The following PPCDC variants were observed in gnomAD, a reference collection of about 807,000 sequenced individuals.
PPCDC encodes phosphopantothenoylcysteine decarboxylase.
In PPCDC, 20 loss-of-function variants were observed where a neutral mutation model predicts 20.7. The ratio of observed to expected loss-of-function variants is 0.97; its 90% confidence interval spans 0.68 to 1.41. The LOEUF is 1.41. Ranked by LOEUF, PPCDC falls within the 40% of genes most tolerant of loss-of-function variation. The probability of loss-of-function intolerance (pLI) is 0.00; values close to 1 mark genes in which losing one functional copy is unlikely to be tolerated. For missense variants in PPCDC, 246 were observed against 263.8 expected, an observed-to-expected ratio of 0.93 and a Z score of 0.47; for synonymous variants, 88 against 100.3, an observed-to-expected ratio of 0.88 and a Z score of 0.73.
At chr15:75,039,443 G>A (rs2066125797) in intron 2 of PPCDC, among the ~76,000 whole-genome samples, 1 of 152,172 alleles carries the variant, frequency 6.6e-6, no homozygotes, top group Non-Finnish European at 1.5e-5. Context: ...AACTCTGCAA[G>A]GGTAGTATGT....
intron 1 of PPCDC, among the ~76,000 whole-genome samples, chr15:75,024,676 C>CT (rs35831714): frequency 0.02 from 2,764 of 140,010 alleles, 38 homozygotes; most frequent in Middle Eastern, 0.053. Context: ...TTTTTCTTTT[C>CT]TTTTTTTTTT....
intron 2 of PPCDC, among the ~76,000 whole-genome samples, chr15:75,031,528 A>T (rs1422122814): frequency 1.3e-5 from 2 of 152,024 alleles, no homozygotes; most frequent in African/African-American, 2.4e-5. Flanking sequence ...CCAACATGGT[A>T]AAACCCCAGC....
rs1355734872 is a variant in PPCDC at position 75,050,487 on chromosome 15, AGCTGAG to A, written c.*1263_*1268del. The A allele has an allele frequency of 9.8e-5, 15 of 152,294 alleles. No homozygotes were observed. The highest frequency in any genetic ancestry group is 1.9e-4 in the Non-Finnish European group (13 of 68,178). 9.4% of individuals were successfully genotyped at this position (152,294 alleles called of 1,614,324 possible). ...GGGGAGGGCTTGTCTGCGTATTTGGAGCTGAGGCTGAGGCTGGCTTCCTGCCCTCTG... is the reference window on the plus strand; with the variant it reads ...GGGGAGGGCTTGTCTGCGTATTTGGAGCTGAGGCTGGCTTCCTGCCCTCTG... On this transcript the variant is annotated 3_prime_UTR_variant, in exon 6 of 6. Transcript: ENST00000342932.
intron 4 of PPCDC, among the ~76,000 whole-genome samples, chr15:75,045,761 A>C (rs958854710): frequency 1.3e-5 from 2 of 152,082 alleles, no homozygotes; most frequent in Non-Finnish European, 2.9e-5. Flanking sequence ...GGCTTTCCCT[A>C]TAGTCCCAGC....
intron 4 of PPCDC, 128 bp downstream of exon 4, chr15:75,044,642 C>T: frequency 7.9e-7 from 1 of 1,270,756 alleles, no homozygotes; most frequent in Non-Finnish European, 1.1e-6. Context: ...TCGTGCTCCG[C>T]CATTCCCCAC....
intron 4 of PPCDC, among the ~76,000 whole-genome samples, chr15:75,045,932 T>C (rs2066227688): frequency 6.8e-6 from 1 of 147,986 alleles, no homozygotes; most frequent in Admixed American, 6.7e-5. Flanking sequence ...GGGAAAAGGC[T>C]AGGCATGGTG....
chr15:75,032,272 A>C (rs1255507933), intron 2 of PPCDC, among the ~76,000 whole-genome samples: 1 of 152,138 alleles, frequency 6.6e-6, no homozygotes, highest in Admixed American at 6.5e-5. Context: ...AAAACCCCCA[A>C]CTCAAGGAGT....
chr15:75,049,362 C>A lies in PPCDC; in HGVS notation c.*127C>A. ...GAATGGGGGACCTGCTCTGAGCCTG[C>A]CCAGGGGCCAGGCCTGCTCCAGGTT... On this transcript the variant is annotated 3_prime_UTR_variant, in exon 6 of 6. Coordinates refer to ENST00000342932, the MANE Select transcript of PPCDC (RefSeq NM_021823.5). 1 of 884,436 alleles carries A rather than the reference C, an allele frequency of 1.1e-6. No individual in the cohort carries two copies. Among genetic ancestry groups the A allele is most frequent in the Non-Finnish European group, 1.8e-6 (1 of 564,426 alleles). The allele number at this position is 884,436 out of a possible 1,614,324, so 54.8% of individuals were successfully genotyped here.
At chr15:75,045,540 A>T (rs972539518) in intron 4 of PPCDC, among the ~76,000 whole-genome samples, 6 of 152,206 alleles carry the variant, frequency 3.9e-5, no homozygotes, top group African/African-American at 1.4e-4. Context: ...AAGGTGGATG[A>T]TGAAGCTGGG....
intron 2 of PPCDC, among the ~76,000 whole-genome samples, chr15:75,041,038 A>C (rs1381123886): frequency 1.3e-5 from 2 of 149,034 alleles, no homozygotes; most frequent in East Asian, 4.0e-4. Flanking sequence ...GTGTAGATTG[A>C]ATTTCCTTCT....
intron 5 of PPCDC, 123 bp from the exon 6 acceptor site, chr15:75,049,027 C>T: frequency 2.1e-6 from 2 of 971,544 alleles, no homozygotes; most frequent in Non-Finnish European, 3.2e-6. Flanking sequence ...CTGGCTCAGG[C>T]AAAGACAGAC....
chr15:75,032,505 G>A (rs764844867), intron 2 of PPCDC, among the ~76,000 whole-genome samples: 18 of 152,204 alleles, frequency 1.2e-4, no homozygotes, highest in South Asian at 2.1e-4. Context: ...CAAAGTGAAA[G>A]GATGTCCATT....
intron 2 of PPCDC, among the ~76,000 whole-genome samples, chr15:75,035,278 G>A (rs2141483545): frequency 6.6e-6 from 1 of 152,324 alleles, no homozygotes; most frequent in East Asian, 1.9e-4. Context: ...AGGGATGGTG[G>A]TGCTACTGGC....
In PPCDC at chr15:75,044,431, A is replaced by G; in HGVS notation, c.277A>G (p.Arg93Gly). The G allele has an allele frequency of 6.2e-7, 1 of 1,614,056 alleles. No individual in the cohort carries two copies. The highest frequency in any genetic ancestry group is 8.5e-7 in the Non-Finnish European group (1 of 1,179,978). The change falls in exon 4 of 6, where the codon AGG becomes GGG. Residue 93 changes from arginine (R) to glycine (G), a missense_variant. By Grantham distance (125) the Arg-to-Gly change is moderately radical. This residue lies in a region of PPCDC where 225 missense variants were observed against 222.6 expected (regional missense o/e 1.01). Transcript: ENST00000342932. ...CCCAGTTCTGCACATTGACCTGCGG[A>G]GGTGGGCAGACCTCCTGCTGGTGGC... is the stretch of plus-strand genomic sequence containing the variant. ...SDPVLHIDLR[R>G]WADLLLVAPL...
chr15:75,030,805 G>A (rs1477848294), intron 2 of PPCDC, among the ~76,000 whole-genome samples: 1 of 152,190 alleles, frequency 6.6e-6, no homozygotes, highest in Non-Finnish European at 1.5e-5. Flanking sequence ...GCTGCAGGGA[G>A]CTGGGGGATT....
intron 3 of PPCDC, chr15:75,043,821 T>G (rs1163601779): frequency 2.5e-6 from 1 of 400,884 alleles, no homozygotes; most frequent in Non-Finnish European, 4.6e-6. Context: ...GGAGCTCTGT[T>G]CCCACCACCC....
chr15:75,043,315 G>A, intron 2 of PPCDC, 126 bp from the exon 3 acceptor site: 1 of 724,880 alleles, frequency 1.4e-6, no homozygotes, highest in Non-Finnish European at 2.3e-6. Flanking sequence ...AAGGAGGGAA[G>A]TCCTCTCTCA....
In PPCDC at chr15:75,044,560, C is replaced by T. The variant is rs1208055395; in HGVS notation, c.360+46C>T. On this transcript the variant is annotated intron_variant, in intron 4 of 5. Transcript: ENST00000342932. ...CTCGTCCGTCCCTGGGCCTCACACC[C>T]AGTTTGCTGAGCTGCAGACATCCTT... 1.9e-6 allele frequency: 3 copies of T among 1,593,716 alleles called. No individual in the cohort carries two copies. In the South Asian group the frequency reaches 3.4e-5, roughly 18 times the overall value.
intron 2 of PPCDC, among the ~76,000 whole-genome samples, chr15:75,040,769 G>T (rs146420805): frequency 2.0e-4 from 30 of 152,110 alleles, no homozygotes; most frequent in African/African-American, 7.2e-4. Context: ...CAAGGGCTCC[G>T]CCCACTTCAG....
Sources: allele counts gnomAD v4.1 joint callset (sites outside exome capture counted in the v4.1 genomes callset), GRCh38; gene constraint gnomAD v4.1.1; regional missense constraint gnomAD v4.1.1; transcripts MANE v1.5; gene names NCBI Gene and HGNC (gene_info 2026-07-23, HGNC 2026-07-21).